Variants in SLC29A4 observed in about 807,000 individuals in gnomAD.
SLC29A4 encodes the protein solute carrier family 29 member 4.
Under a neutral mutation model 43.9 loss-of-function variants are expected in SLC29A4, and 36 were observed. The ratio of observed to expected loss-of-function variants is 0.82; its 90% CI spans 0.63 to 1.08. SLC29A4 has a LOEUF of 1.08. SLC29A4 is among the 50% of genes least tolerant of loss of function. The pLI, the probability that SLC29A4 is intolerant of heterozygous loss-of-function variation, is 0.00. For synonymous variants in SLC29A4, 491 were observed against 338.0 expected (o/e 1.45, Z -4.97); for missense variants, 869 against 755.3 (o/e 1.15, Z -1.77).
Position 5,306,157 on chromosome 7 carries a change from T to TTTTAA in SLC29A4, c.*3222_*3226dup, listed in dbSNP as rs1786475927. 6.6e-6 allele frequency: 1 copy of TTTTAA among 150,502 alleles called. No individual in the cohort carries two copies. The highest frequency in any genetic ancestry group is 2.1e-4 in the South Asian group (1 of 4,782). 9.3% of individuals were successfully genotyped at this position (150,502 alleles called of 1,614,324 possible). On this transcript the variant is annotated 3_prime_UTR_variant, in exon 11 of 11. Transcript: ENST00000396872. ...AGCCACCGTGCCCATCCAACTTAAC[T>TTTTAA]TTTAATTTTTTCTCATGTAAATTTG...
In SLC29A4 at chr7:5,299,098, G is replaced by C; in HGVS notation, c.993G>C (p.Arg331Ser). The change falls in exon 8 of 11, where the codon AGG (arginine) becomes AGC (serine). Residue 331 changes from arginine to serine, a missense_variant. Transcript: ENST00000396872. ...TGCGCTTTGATGTGCCGCGGCCAAG[G>C]GTCCAGCGCAGCTGGCCCACCTTCA... The part of the protein sequence containing the change: ...AYMRFDVPRP[R>S]VQRSWPTFRA... 6.2e-7 allele frequency: 1 copy of C among 1,610,524 alleles called. No homozygotes were observed. The highest frequency in any genetic ancestry group is 2.2e-5 in the East Asian group (1 of 44,822).
chr7:5,290,652 G>A (rs1366917098), intron 2 of SLC29A4, 80 bp from the exon 3 acceptor site: 1 of 1,533,204 alleles, frequency 6.5e-7, no homozygotes, highest in African/African-American at 1.4e-5. Context: ...ATGGCGGCCG[G>A]GGTGGTGGAC....
At chr7:5,292,805 T>G (rs1031083447) in intron 5 of SLC29A4, among the ~76,000 whole-genome samples, 1 of 149,128 alleles carries the variant, frequency 6.7e-6, no homozygotes, top group Admixed American at 6.8e-5. Flanking sequence ...TTCAAGTGAT[T>G]CTCCTGTCTC....
intron 1 of SLC29A4, among the ~76,000 whole-genome samples, chr7:5,285,280 C>G (rs985007339): frequency 5.9e-5 from 9 of 152,008 alleles, no homozygotes; most frequent in African/African-American, 2.2e-4. Context: ...ACCCCCAACC[C>G]CCCAGCTCCA....
Position 5,302,976 on chromosome 7 carries a change from G to A in SLC29A4, c.*37G>A. 6.3e-7 allele frequency: 1 copy of A among 1,587,242 alleles called. No homozygotes were observed. Among genetic ancestry groups the A allele is most frequent in the African/African-American group, 1.3e-5 (1 of 74,488 alleles). On this transcript the variant is annotated 3_prime_UTR_variant, in exon 11 of 11. Transcript: ENST00000396872. ...CCACTGCCAGGGACGCCGAGGGCCTGACCAGGGGCCCCGAGGCCTGAGGGC... is the reference window on the plus strand; with the variant it reads ...CCACTGCCAGGGACGCCGAGGGCCTAACCAGGGGCCCCGAGGCCTGAGGGC...
intron 5 of SLC29A4, among the ~76,000 whole-genome samples, chr7:5,292,737 C>T (rs1189223787): frequency 7.4e-5 from 8 of 108,394 alleles, no homozygotes; most frequent in East Asian, 6.4e-4. Flanking sequence ...CTCACTCTGT[C>T]GCCCAGGCTG....
Position 5,297,207 on chromosome 7 carries a change from G to A in SLC29A4, c.882+9G>A, listed in dbSNP as rs759752218. On this transcript the variant is annotated intron_variant, in intron 7 of 10. Transcript: ENST00000396872. ...CCGGGGACGTCCACTTCGTAAGTGC[G>A]CACCGCCCACCTCTGTTCCCTTCTC... The A allele has an allele frequency of 4.4e-6, 7 of 1,573,578 alleles. No homozygotes were observed. Among genetic ancestry groups the A allele is most frequent in the Non-Finnish European group, 5.2e-6 (6 of 1,165,020 alleles).
At chr7:5,296,731 G>C (rs896398048) in intron 6 of SLC29A4, among the ~76,000 whole-genome samples, 9 of 143,840 alleles carry the variant, frequency 6.3e-5, no homozygotes, top group Non-Finnish European at 1.4e-4. Flanking sequence ...GGTGGTGGCA[G>C]TGGGCGGGGC....
At chr7:5,301,858 G>A (rs978992919) in intron 10 of SLC29A4, among the ~76,000 whole-genome samples, 5 of 152,198 alleles carry the variant, frequency 3.3e-5, no homozygotes, top group African/African-American at 1.2e-4. Flanking sequence ...GTTGGGAGGG[G>A]TTGGGGTTGG....
intron 6 of SLC29A4, 133 bp from the exon 7 acceptor site, chr7:5,296,803 G>A: frequency 1.9e-6 from 2 of 1,034,838 alleles, no homozygotes; most frequent in Non-Finnish European, 2.6e-6. Context: ...CGGGGCCTGT[G>A]GGTGGGGGCA....
chr7:5,290,299 G>A (rs1395045479), intron 2 of SLC29A4, among the ~76,000 whole-genome samples: 3 of 152,088 alleles, frequency 2.0e-5, no homozygotes, highest in Non-Finnish European at 4.4e-5. Context: ...TCCTGACCTC[G>A]TGATCCGCCC....
At chr7:5,291,094 T>G (rs368196054) in intron 3 of SLC29A4, 30 bp from the exon 4 acceptor site, 3 of 1,608,662 alleles carry the variant, frequency 1.9e-6, no homozygotes, top group South Asian at 2.2e-5. Context: ...GGGGCCTCCC[T>G]GAGCACCTGC....
Position 5,287,830 on chromosome 7 carries a change from G to A in SLC29A4, c.14G>A (p.Gly5Glu), listed in dbSNP as rs780440606. The stretch of plus-strand genomic sequence containing the variant: ...GCAGAGGCTGCCATGGGCTCCGTGG[G>A]GAGCCAGCGCCTTGAGGAGCCCAGC... MGSV[G>E]SQRLEEPSVA... The change falls in exon 2 of 11, where the codon GGG becomes GAG. Residue 5 changes from glycine (G) to glutamate (E), a missense_variant. Physicochemically the swap from Gly to Glu is moderately conservative, Grantham distance 98 (BLOSUM62 -2). Coordinates refer to ENST00000396872, the MANE Select transcript of SLC29A4 (RefSeq NM_153247.4). The A allele has an allele frequency of 1.2e-6, 2 of 1,611,268 alleles. No homozygotes were observed. The highest frequency in any genetic ancestry group is 1.7e-5 in the Admixed American group (1 of 59,916).
chr7:5,293,679 C>T (rs1445235108), intron 5 of SLC29A4, among the ~76,000 whole-genome samples: 1 of 152,148 alleles, frequency 6.6e-6, no homozygotes, highest in Admixed American at 6.5e-5. Flanking sequence ...GGGTCTCACT[C>T]TGTCGCCCAG....
chr7:5,286,392 G>A (rs576510949), intron 1 of SLC29A4, among the ~76,000 whole-genome samples: 60 of 151,592 alleles, frequency 4.0e-4, no homozygotes, highest in Admixed American at 7.2e-4. Context: ...GTGTGGCGGC[G>A]GGCACCTGTA....
intron 4 of SLC29A4, 93 bp from the exon 5 acceptor site, chr7:5,291,600 A>G: frequency 6.8e-7 from 1 of 1,472,392 alleles, no homozygotes; most frequent in Non-Finnish European, 9.2e-7. Flanking sequence ...AGGGCAGAGA[A>G]AGCCTCAGAG....
At chr7:5,301,804 CAAG>C (rs1333373278) in intron 10 of SLC29A4, among the ~76,000 whole-genome samples, 1 of 152,044 alleles carries the variant, frequency 6.6e-6, no homozygotes, top group Non-Finnish European at 1.5e-5. Flanking sequence ...CTGCTCAAGG[CAAG>C]AAGGCTGGCA....
At chr7:5,299,486 G>T in intron 9 of SLC29A4, 59 bp downstream of exon 9, 2 of 1,545,216 alleles carry the variant, frequency 1.3e-6, no homozygotes. Flanking sequence ...TGACAAGGGA[G>T]GCCCTGGCCT....
rs201266674 is a variant in SLC29A4 at position 5,300,673 on chromosome 7, C to G, written c.1450+11C>G. 9 of 1,604,230 alleles carry G rather than the reference C, an allele frequency of 5.6e-6. No individual in the cohort carries two copies. Among genetic ancestry groups the G allele is most frequent in the South Asian group, 1.1e-5 (1 of 90,736 alleles). ...AGCGGGAGCTGGCAGGTGAGGCCCG[C>G]GGGACGTGGGGGTGGGGGCGTCCTC... On this transcript the variant is annotated intron_variant, in intron 10 of 10. Coordinates refer to ENST00000396872, the MANE Select transcript of SLC29A4 (RefSeq NM_153247.4).
Sources: gnomAD v4.1 joint callset for allele counts (sites outside exome capture counted in the v4.1 genomes callset) on GRCh38, gnomAD v4.1.1 for gene constraint, MANE v1.5 for transcripts, NCBI Gene and HGNC (gene_info 2026-07-23, HGNC 2026-07-21) for gene names.